ITGB3: variants seen among roughly 807,000 people sequenced by gnomAD.
The protein encoded by ITGB3 is integrin beta-3.
In ITGB3, 48 loss-of-function variants were observed where a neutral mutation model predicts 85.8. The ratio of observed to expected loss-of-function variants is 0.56; its 90% confidence interval spans 0.44 to 0.71. ITGB3 has a LOEUF of 0.71. ITGB3 is among the 30% of genes least tolerant of loss of function. The pLI is 0.00. For missense variants in ITGB3, 861 were observed against 1,019.1 expected (o/e 0.84, Z 2.11); for synonymous variants, 363 against 395.6 (o/e 0.92, Z 0.98).
rs760480847 is a variant in ITGB3, at chr17:47,290,984, C to T, written c.1156C>T (p.Arg386Cys). 45 of 1,613,926 alleles carry T rather than the reference C, an allele frequency of 2.8e-5. No individual in the cohort carries two copies. The highest frequency in any genetic ancestry group is 7.7e-5 in the South Asian group (7 of 91,082). Residue 386 changes from arginine (R) to cysteine (C), a missense_variant, in exon 9 of 15, where the codon CGT (arginine) becomes TGT (cysteine). Transcript: ENST00000559488. ...KIRSKVELEV[R>C]DLPEELSLSF... The stretch of plus-strand genomic sequence containing the variant: ...CCGTTCTAAAGTAGAGCTGGAAGTG[C>T]GTGACCTCCCTGAAGAGTTGTCTCT...
intron 1 of ITGB3, among the ~76,000 whole-genome samples, chr17:47,256,482 C>T (rs1038319242): frequency 2.0e-5 from 3 of 151,706 alleles, no homozygotes; most frequent in East Asian, 1.9e-4. Flanking sequence ...TACCCCCCCC[C>T]CCAACCTCAC....
At chr17:47,307,283 T>A (rs530373437) in intron 13 of ITGB3, among the ~76,000 whole-genome samples, 188 bp from the exon 14 acceptor site, 1 of 152,366 alleles carries the variant, frequency 6.6e-6, no homozygotes, top group East Asian at 1.9e-4. Context: ...TCTAGACTTC[T>A]GATTTGAGCC....
Position 47,284,443 on chromosome 17 carries a change from A to G in ITGB3, c.362A>G (p.Asp121Gly), listed in dbSNP as rs1039892640. The G allele has an allele frequency of 6.2e-7, 1 of 1,614,186 alleles. No individual in the cohort carries two copies. Among genetic ancestry groups the G allele is most frequent in the African/African-American group, 1.3e-5 (1 of 75,050 alleles). ...PQRIALRLRP[D>G]DSKNFSIQVR... ...AAACTAACATCTTTCTGCCTTCCAG[A>G]TGATTCGAAGAATTTCTCCATCCAA... Residue 121 changes from aspartate (D) to glycine (G), a missense_variant and splice_region_variant, in exon 4 of 15, where the codon GAT becomes GGT. Transcript: ENST00000559488.
At position 47,284,312 on chromosome 17, in the gene ITGB3, A is replaced by T; in HGVS notation, c.362-131A>T. ...TAGAAGAGTAATAGAATTGCAAAGG[A>T]AGAGGAAAAGGGACCAGGGCTTTCT... On this transcript the variant is annotated intron_variant, in intron 3 of 14. Coordinates refer to ENST00000559488, the MANE Select transcript of ITGB3 (RefSeq NM_000212.3). 4 of 993,828 alleles carry T rather than the reference A, an allele frequency of 4.0e-6. No homozygotes were observed. In the East Asian group the frequency reaches 1.0e-4, roughly 25 times the overall value. 61.6% of individuals were successfully genotyped at this position (993,828 alleles called of 1,614,324 possible).
At chr17:47,305,811 A>G (rs11868344) in intron 13 of ITGB3, 13,110 of 152,278 alleles carry the variant, frequency 0.086, 609 homozygotes, top group East Asian at 0.19. Flanking sequence ...AAGGAAGCAA[A>G]TAAGTTAGTG....
intron 1 of ITGB3, among the ~76,000 whole-genome samples, chr17:47,263,736 C>A (rs1269465543): frequency 6.6e-6 from 1 of 152,156 alleles, no homozygotes; most frequent in Non-Finnish European, 1.5e-5. Flanking sequence ...GTGATCTACC[C>A]GCCTTGGCCT....
rs531351645 is a variant in ITGB3 at position 47,313,322 on chromosome 17, A to AGT, written c.*3119_*3120dup. On this transcript the variant is annotated 3_prime_UTR_variant, in exon 15 of 15. Transcript: ENST00000559488. ...TCCAAAGGCCTCTTTTTCTTTGTTA[A>AGT]GTATTCCTGGTTGAAATTTCTTTTC... Among the ~76,000 whole-genome samples the AGT allele has an allele frequency of 1.5e-4, 23 of 148,946 alleles. No individual in the cohort carries two copies. In the East Asian group the frequency reaches 4.6e-3, roughly 30 times the overall value.
chr17:47,257,902 A>G (rs1379126181), intron 1 of ITGB3, among the ~76,000 whole-genome samples: 1 of 152,194 alleles, frequency 6.6e-6, no homozygotes, highest in African/African-American at 2.4e-5. Context: ...AGATGGGGCA[A>G]GCACACCACA....
Position 47,310,321 on chromosome 17 carries a change from A to G in ITGB3, c.*117A>G. On this transcript the variant is annotated 3_prime_UTR_variant, in exon 15 of 15. Coordinates refer to ENST00000559488, the MANE Select transcript of ITGB3 (RefSeq NM_000212.3). ...AGGGATTTGGGGCTCAGAGTGGGGT[A>G]GGTTGGGAGAATGTCAGTATGTGGA... The G allele has an allele frequency of 1.1e-6, 1 of 945,436 alleles. No individual in the cohort carries two copies. The highest frequency in any genetic ancestry group is 1.7e-6 in the Non-Finnish European group (1 of 589,238). 58.6% of individuals were successfully genotyped at this position (945,436 alleles called of 1,614,324 possible).
At position 47,264,406 on chromosome 17, in the gene ITGB3, G is replaced by A. The variant is rs552977869; in HGVS notation, c.80-10013G>A. 3.3e-5 allele frequency among the ~76,000 whole-genome samples: 5 copies of A among 152,164 alleles called. No homozygotes were observed. In the South Asian group the frequency reaches 8.3e-4, roughly 25 times the overall value. On this transcript the variant is annotated intron_variant, in intron 1 of 14. Transcript: ENST00000559488. ...AGAGTCTGACCACATCAGTGGCTCCGCTACTGTCCAAATCCACTGCCATCT... is the reference window on the plus strand; with the variant it reads ...AGAGTCTGACCACATCAGTGGCTCCACTACTGTCCAAATCCACTGCCATCT...
Position 47,309,909 on chromosome 17 carries a change from A to G in ITGB3, c.2302-230A>G, listed in dbSNP as rs546249814. On this transcript the variant is annotated intron_variant, in intron 14 of 14. Coordinates refer to ENST00000559488, the MANE Select transcript of ITGB3 (RefSeq NM_000212.3). ...AGACCCTGTCTGAAAAAAAAAAAAA[A>G]AAAAAGAAACGGTGGCAGGATGGCA... Among the ~76,000 whole-genome samples, 8,684 of 151,438 alleles carry G rather than the reference A, an allele frequency of 0.057. 831 individuals are homozygous for G. The highest frequency in any genetic ancestry group is 0.2 in the African/African-American group (8,086 of 40,996).
chr17:47,253,839 G>A lies in ITGB3; in HGVS notation c.-23G>A. 1 of 1,199,760 alleles carries A rather than the reference G, an allele frequency of 8.3e-7. No individual in the cohort carries two copies. The highest frequency in any genetic ancestry group is 1.0e-6 in the Non-Finnish European group (1 of 965,776). 74.3% of individuals were successfully genotyped at this position (1,199,760 alleles called of 1,614,324 possible). A position where few individuals can be genotyped will look rare whatever the true frequency, so the allele number is the denominator to read the frequency against. The stretch of plus-strand genomic sequence containing the variant: ...GGCGGCGCCCACTGTGGGGCGGGCG[G>A]AGCGCCGCGGGAGGCGGACGAGATG... On this transcript the variant is annotated 5_prime_UTR_variant, in exon 1 of 15. Coordinates refer to ENST00000559488, the MANE Select transcript of ITGB3 (RefSeq NM_000212.3).
chr17:47,271,122 A>G (rs1420200178), intron 1 of ITGB3, among the ~76,000 whole-genome samples: 1 of 152,198 alleles, frequency 6.6e-6, no homozygotes, highest in Non-Finnish European at 1.5e-5. Context: ...TTGTTAAGGC[A>G]GACACATAAA....
intron 1 of ITGB3, 40 bp downstream of exon 1, chr17:47,253,980 A>G (rs1460245236): frequency 1.6e-6 from 2 of 1,265,778 alleles, no homozygotes; most frequent in Non-Finnish European, 2.1e-6. Flanking sequence ...CAGCTGCCCC[A>G]GGATCTGCGC....
chr17:47,297,442 G>T (rs2065149996), intron 10 of ITGB3, among the ~76,000 whole-genome samples: 1 of 152,180 alleles, frequency 6.6e-6, no homozygotes, highest in South Asian at 2.1e-4. Flanking sequence ...GATCACCTGA[G>T]GTCAGGAGTT....
chr17:47,254,275 G>A (rs1459598316), intron 1 of ITGB3, among the ~76,000 whole-genome samples: 1 of 151,984 alleles, frequency 6.6e-6, no homozygotes, highest in Non-Finnish European at 1.5e-5. Flanking sequence ...CGTCGCGGGT[G>A]GTCCTGGTCG....
chr17:47,308,710 C>T (rs868518846), intron 14 of ITGB3, among the ~76,000 whole-genome samples: 3 of 152,136 alleles, frequency 2.0e-5, no homozygotes, highest in Non-Finnish European at 4.4e-5. Context: ...CCATGTTGGC[C>T]AGGCTGGTCT....
intron 1 of ITGB3, among the ~76,000 whole-genome samples, chr17:47,259,908 G>GAACAA (rs1305774348): frequency 6.6e-6 from 1 of 152,074 alleles, no homozygotes; most frequent in East Asian, 1.9e-4. Flanking sequence ...TCAAAAAACA[G>GAACAA]AACAAAACAA....
At chr17:47,294,237 T>C (rs999323) in intron 10 of ITGB3, among the ~76,000 whole-genome samples, 46,940 of 152,088 alleles carry the variant, frequency 0.31, 7,478 homozygotes, top group East Asian at 0.52. Flanking sequence ...AAAGTATTTA[T>C]ATCTAATTCA....
Sources: gnomAD v4.1 joint callset for allele counts (sites outside exome capture counted in the v4.1 genomes callset) on GRCh38, gnomAD v4.1.1 for gene constraint, MANE v1.5 for transcripts, NCBI Gene and HGNC (gene_info 2026-07-23, HGNC 2026-07-21) for gene names.